Variants in SPINK5 observed in about 807,000 individuals in gnomAD.
The protein encoded by SPINK5 is serine peptidase inhibitor Kazal type 5.
A neutral mutation model predicts 151.8 loss-of-function variants in SPINK5; 125 were observed. That is an observed-to-expected ratio of 0.82 (90% confidence interval 0.71 to 0.96). SPINK5 has a LOEUF of 0.96. Ranked by LOEUF, SPINK5 falls within the 40% of genes least tolerant of loss-of-function variation. The pLI is 0.00. For missense variants in SPINK5, 1,194 were observed against 1,291.9 expected (o/e 0.92, Z 1.16); for synonymous variants, 374 against 395.3 (o/e 0.95, Z 0.64).
rs115780499 is a variant in SPINK5 at position 148,073,472 on chromosome 5, T to G, written c.282+1252T>G. The stretch of plus-strand genomic sequence containing the variant: ...CTACTTTTATATTCTACAAAATCTG[T>G]GGGGGCCAGAAAGGTTTAGTGGCAA... On this transcript the variant is annotated intron_variant, in intron 4 of 32. Transcript: ENST00000256084. 5.2e-3 allele frequency among the ~76,000 whole-genome samples: 788 copies of G among 151,980 alleles called. 15 individuals carry two copies. The highest frequency in any genetic ancestry group is 0.019 in the African/African-American group (773 of 41,504).
intron 8 of SPINK5, among the ~76,000 whole-genome samples, chr5:148,092,620 G>A (rs1458872874): frequency 6.6e-6 from 1 of 151,810 alleles, no homozygotes; most frequent in Non-Finnish European, 1.5e-5. Context: ...TTGTCACTAG[G>A]TTGCAAACAC....
intron 2 of SPINK5, 39 bp from the exon 3 acceptor site, chr5:148,070,284 G>A (rs1561672436): frequency 7.5e-6 from 12 of 1,607,954 alleles, no homozygotes; most frequent in Non-Finnish European, 1.0e-5. Flanking sequence ...TTGTTTTGAT[G>A]TACTTTTAGC....
intron 16 of SPINK5, 145 bp downstream of exon 16, chr5:148,105,145 G>T (rs1156255210): frequency 2.2e-6 from 2 of 895,510 alleles, no homozygotes; most frequent in East Asian, 2.7e-5. Flanking sequence ...AACAAAAAGG[G>T]TCCTGATAAG....
Position 148,097,916 on chromosome 5 carries a change from G to A in SPINK5, c.932G>A (p.Cys311Tyr). The change falls in exon 11 of 33, where the codon TGT becomes TAT. Residue 311 changes from cysteine (C) to tyrosine (Y), a missense_variant. Cys to Tyr is a radical substitution (Grantham distance 194, BLOSUM62 -2). Coordinates refer to ENST00000256084, the MANE Select transcript of SPINK5 (RefSeq NM_006846.4). ...QNQAKNGILF[C>Y]TRENDPIRGP... ...CAGGCAAAGAATGGAATACTTTTCT[G>A]TACCAGAGAAAATGACCCTATTCGT... 6.2e-7 allele frequency: 1 copy of A among 1,612,236 alleles called. No homozygotes were observed. The highest frequency in any genetic ancestry group is 8.5e-7 in the Non-Finnish European group (1 of 1,178,760).
chr5:148,087,285 A>G (rs375469021), intron 5 of SPINK5, among the ~76,000 whole-genome samples: 2 of 151,772 alleles, frequency 1.3e-5, no homozygotes, highest in South Asian at 2.1e-4. Flanking sequence ...GTCTTCACCA[A>G]CAAGATGACA....
chr5:148,064,875 A>C (rs1382532998), intron 1 of SPINK5, among the ~76,000 whole-genome samples: 1 of 152,148 alleles, frequency 6.6e-6, no homozygotes, highest in Non-Finnish European at 1.5e-5. Context: ...TTGCAGCTGT[A>C]ATAAGGAGGT....
At chr5:148,067,845 C>A (rs1380126746) in intron 2 of SPINK5, among the ~76,000 whole-genome samples, 2 of 152,084 alleles carry the variant, frequency 1.3e-5, no homozygotes, top group Non-Finnish European at 2.9e-5. Flanking sequence ...GAACTTCTGG[C>A]TTCAAGCAAT....
At position 148,125,742 on chromosome 5, in the gene SPINK5, G is replaced by A. The variant is rs371134163; in HGVS notation, c.2759G>A (p.Arg920Gln). The change falls in exon 29 of 33, where the codon CGA (arginine) becomes CAA (glutamine). Residue 920 changes from arginine to glutamine, a missense_variant. Transcript: ENST00000256084. ...TTCTAGGATGAGTGCAGTGAATTTCGAAACTATATAAGGAACAATGAACTC... is the reference window on the plus strand; with the variant it reads ...TTCTAGGATGAGTGCAGTGAATTTCAAAACTATATAAGGAACAATGAACTC... ...NNAKDECSEF[R>Q]NYIRNNELIC... is the part of the protein sequence containing the mutation. The A allele has an allele frequency of 3.7e-5, 60 of 1,614,098 alleles. No homozygotes were observed. The highest frequency in any genetic ancestry group is 2.9e-4 in the African/African-American group (22 of 74,998).
At chr5:148,118,679 C>A (rs1336999477) in intron 23 of SPINK5, 115 bp downstream of exon 23, 2 of 1,455,902 alleles carry the variant, frequency 1.4e-6, no homozygotes, top group African/African-American at 2.8e-5. Flanking sequence ...TTGCTAATTT[C>A]CAAATATTCT....
intron 30 of SPINK5, among the ~76,000 whole-genome samples, chr5:148,128,717 G>A (rs1445751468): frequency 5.3e-5 from 8 of 151,994 alleles, no homozygotes; most frequent in Admixed American, 4.6e-4. Context: ...TAGAGACGGG[G>A]TTTCACTGTG....
intron 8 of SPINK5, among the ~76,000 whole-genome samples, chr5:148,092,865 G>A (rs549630499): frequency 3.3e-5 from 5 of 151,990 alleles, no homozygotes; most frequent in Non-Finnish European, 7.4e-5. Flanking sequence ...CTCTGTTAAA[G>A]CATCCCAATG....
At chr5:148,086,369 T>G (rs768859182) in intron 4 of SPINK5, 36 bp from the exon 5 acceptor site, 1 of 1,605,390 alleles carries the variant, frequency 6.2e-7, no homozygotes, top group Non-Finnish European at 8.5e-7. Flanking sequence ...ATTTTGTTTC[T>G]TACATTTTGA....
intron 3 of SPINK5, among the ~76,000 whole-genome samples, chr5:148,070,925 A>G (rs1752722573): frequency 6.6e-6 from 1 of 152,098 alleles, no homozygotes; most frequent in Non-Finnish European, 1.5e-5. Context: ...GTGAGCTGCC[A>G]GTGTCTTTAG....
rs1451813366 is a variant in SPINK5, at chr5:148,099,295, G to A, written c.1072G>A (p.Gly358Arg). Residue 358 changes from glycine (G) to arginine (R), a missense_variant, in exon 12 of 33, where the codon GGA (glycine) becomes AGA (arginine). Gly to Arg is a moderately radical substitution (Grantham distance 125). Transcript: ENST00000256084. ...ACGAGCTAGAAACAAAAGAGAATCT[G>A]GAAAAGCAACCTCATATGCAGTGAG... is the stretch of plus-strand genomic sequence containing the variant. ...EARARNKRES[G>R]KATSYAELCS... is the part of the protein sequence containing the mutation. 5 of 1,612,312 alleles carry A rather than the reference G, an allele frequency of 3.1e-6. No individual in the cohort carries two copies. The highest frequency in any genetic ancestry group is 4.2e-6 in the Non-Finnish European group (5 of 1,179,006).
At chr5:148,113,347 A>G (rs17107762) in intron 20 of SPINK5, among the ~76,000 whole-genome samples, 23,246 of 152,150 alleles carry the variant, frequency 0.15, 2,434 homozygotes, top group East Asian at 0.32. Context: ...TGTAAAGTTA[A>G]TGGGAGTATG....
At chr5:148,129,513 ATGAAGAG>A (rs1045004970) in intron 30 of SPINK5, among the ~76,000 whole-genome samples, 10 of 30,706 alleles carry the variant, frequency 3.3e-4, no homozygotes, top group South Asian at 2.5e-3. Flanking sequence ...TGTTAAAAAA[ATGAAGAG>A]AGAGAGAGAG....
chr5:148,094,104 G>C (rs7700488), intron 8 of SPINK5, among the ~76,000 whole-genome samples: 1 of 151,518 alleles, frequency 6.6e-6, no homozygotes, highest in East Asian at 2.0e-4. Flanking sequence ...AGACCAGCCC[G>C]GGCAACATGA....
Position 148,112,763 on chromosome 5 carries a change from G to A in SPINK5, c.1821-105G>A, listed in dbSNP as rs1753975610. 4 of 1,544,998 alleles carry A rather than the reference G, an allele frequency of 2.6e-6. No individual in the cohort carries two copies. In the Admixed American group the frequency reaches 5.8e-5, roughly 22 times the overall value. On this transcript the variant is annotated intron_variant, in intron 19 of 32. Coordinates refer to ENST00000256084, the MANE Select transcript of SPINK5 (RefSeq NM_006846.4). ...CTTTCCACTCCAAAGCTAAGTTGGTGGAGGTATAGAAGTAATGGACCATTT... is the reference window on the plus strand; with the variant it reads ...CTTTCCACTCCAAAGCTAAGTTGGTAGAGGTATAGAAGTAATGGACCATTT...
rs550961797 is a variant in SPINK5, at chr5:148,101,799, C to T, written c.1321C>T (p.Arg441Cys). Residue 441 changes from arginine to cysteine, a missense_variant, in exon 15 of 33, where the codon CGC (arginine) becomes TGC (cysteine). Arg to Cys is a radical substitution (Grantham distance 180). Transcript: ENST00000256084. ...ASFEELCSEY[R>C]KSRKNGRLFC... ...TTCACAGGAGTTGTGTAGTGAATAC[C>T]GCAAATCCAGGAAAAACGGACGGCT... is the stretch of plus-strand genomic sequence containing the variant. 3.1e-5 allele frequency: 50 copies of T among 1,613,660 alleles called. No homozygotes were observed. The highest frequency in any genetic ancestry group is 6.7e-5 in the Admixed American group (4 of 59,996).
Sources: gnomAD v4.1 joint callset for allele counts (sites outside exome capture counted in the v4.1 genomes callset) on GRCh38, gnomAD v4.1.1 for gene constraint, MANE v1.5 for transcripts, NCBI Gene and HGNC (gene_info 2026-07-23, HGNC 2026-07-21) for gene names.